The following LRP1B variants were observed in gnomAD, a reference collection of about 807,000 sequenced individuals.
LRP1B encodes low-density lipoprotein receptor-related protein 1B.
A neutral mutation model predicts 556.6 loss-of-function variants in LRP1B; 217 were observed. The ratio of observed to expected loss-of-function variants is 0.39; its 90% confidence interval spans 0.35 to 0.44. The LOEUF is 0.44. Among genes scored for constraint, LRP1B ranks in the 20% least tolerant of loss-of-function variants. The probability of loss-of-function intolerance (pLI) is 1.00; values close to 1 mark genes in which losing one functional copy is unlikely to be tolerated. For synonymous variants in LRP1B, 2,047 were observed against 1,865.8 expected, an observed-to-expected ratio of 1.10 and a Z score of -2.50; for missense variants, 5,053 against 5,620.8, an observed-to-expected ratio of 0.90 and a Z score of 3.23.
At chr2:140,633,896 TACA>T (rs1006187948) in intron 41 of LRP1B, among the ~76,000 whole-genome samples, 2 of 152,176 alleles carry the variant, frequency 1.3e-5, no homozygotes, top group Non-Finnish European at 2.9e-5. Context: ...ACCAATTTTA[TACA>T]ACGTCTTCCA....
chr2:141,424,407 C>T (rs10432345), intron 3 of LRP1B, among the ~76,000 whole-genome samples: 43,055 of 151,966 alleles, frequency 0.28, 6,305 homozygotes, highest in Admixed American at 0.32. Flanking sequence ...CCACCGCACC[C>T]GGCCTCATCT....
Position 141,778,677 on chromosome 2 carries a change from A to C in LRP1B, c.205+31602T>G, listed in dbSNP as rs10197149. Reference sequence around the variant, plus strand: ...GTATGACCATGAACTACAAAATGTAATGGGGCAGAAAATGCAGACACACAT... The same window carrying C: ...GTATGACCATGAACTACAAAATGTACTGGGGCAGAAAATGCAGACACACAT... On this transcript the variant is annotated intron_variant, in intron 2 of 90. Coordinates refer to ENST00000389484, the MANE Select transcript of LRP1B (RefSeq NM_018557.3). Among the ~76,000 whole-genome samples the C allele has an allele frequency of 7.4e-3, 1,124 of 152,350 alleles. 18 individuals are homozygous for C. Among genetic ancestry groups the C allele is most frequent in the African/African-American group, 0.025 (1,039 of 41,566 alleles).
At chr2:141,544,181 A>G (rs1271042734) in intron 2 of LRP1B, among the ~76,000 whole-genome samples, 2 of 152,096 alleles carry the variant, frequency 1.3e-5, no homozygotes, top group Admixed American at 6.6e-5. Context: ...TAGCAGGAAG[A>G]TCCTGTTTAG....
At chr2:141,416,993 T>C (rs373868124) in intron 3 of LRP1B, among the ~76,000 whole-genome samples, 3 of 152,246 alleles carry the variant, frequency 2.0e-5, no homozygotes, top group Admixed American at 2.0e-4. Flanking sequence ...TCTATCATTC[T>C]AACTTTTTTT....
intron 66 of LRP1B, among the ~76,000 whole-genome samples, chr2:140,420,873 GATAA>G (rs1017845081): frequency 6.6e-6 from 1 of 152,138 alleles, no homozygotes; most frequent in Non-Finnish European, 1.5e-5. Flanking sequence ...TTCTAGAGGT[GATAA>G]ATAAGTCCGT....
chr2:141,553,769 T>G (rs1292842696), intron 2 of LRP1B, among the ~76,000 whole-genome samples: 2 of 139,958 alleles, frequency 1.4e-5, no homozygotes, highest in East Asian at 4.0e-4. Flanking sequence ...TTATATATGT[T>G]TATATTATAT....
At chr2:140,577,089 A>G (rs1681556205) in intron 43 of LRP1B, among the ~76,000 whole-genome samples, 1 of 152,158 alleles carries the variant, frequency 6.6e-6, no homozygotes, top group Admixed American at 6.5e-5. Flanking sequence ...TCCATGTTCC[A>G]TCGCACTCAC....
chr2:141,947,996 T>C (rs1272305840), intron 1 of LRP1B, among the ~76,000 whole-genome samples: 1 of 152,046 alleles, frequency 6.6e-6, no homozygotes, highest in Non-Finnish European at 1.5e-5. Flanking sequence ...TTTTCTCATT[T>C]ATAAAAAAGT....
rs1162606779 is a variant in LRP1B, at chr2:140,744,865, C to A, written c.5758+24348G>T. 1.3e-5 allele frequency among the ~76,000 whole-genome samples: 2 copies of A among 152,048 alleles called. 1 individual carries two copies. The highest frequency in any genetic ancestry group is 4.1e-4 in the South Asian group (2 of 4,830). ...AAGCTCCAGGAGAGGAGAGATTTTG[C>A]CAATTTTTTTTCCTGCTGCATCCTT... On this transcript the variant is annotated intron_variant, in intron 35 of 90. Transcript: ENST00000389484.
intron 3 of LRP1B, among the ~76,000 whole-genome samples, chr2:141,366,563 A>G (rs1423161923): frequency 6.6e-6 from 1 of 152,202 alleles, no homozygotes; most frequent in African/African-American, 2.4e-5. Context: ...TTTTCATGCA[A>G]TATTTTATTA....
intron 2 of LRP1B, among the ~76,000 whole-genome samples, chr2:141,671,852 A>G (rs1213306376): frequency 6.6e-6 from 1 of 150,398 alleles, no homozygotes; most frequent in African/African-American, 2.4e-5. Flanking sequence ...ACAAAATGCT[A>G]TTTATTCATT....
intron 59 of LRP1B, among the ~76,000 whole-genome samples, chr2:140,479,092 T>A (rs1688107573): frequency 6.6e-6 from 1 of 152,028 alleles, no homozygotes; most frequent in Non-Finnish European, 1.5e-5. Flanking sequence ...GAAAATGTTG[T>A]TCACCTGTAC....
intron 32 of LRP1B, among the ~76,000 whole-genome samples, chr2:140,789,527 T>C (rs982977237): frequency 6.6e-6 from 1 of 151,940 alleles, no homozygotes; most frequent in African/African-American, 2.4e-5. Context: ...TTCAGGACCT[T>C]TCTCCCTTGA....
intron 86 of LRP1B, among the ~76,000 whole-genome samples, chr2:140,249,223 G>A (rs912104714): frequency 2.0e-5 from 3 of 151,686 alleles, no homozygotes; most frequent in African/African-American, 7.2e-5. Context: ...TTATGGTTCT[G>A]ACATGAACAT....
At chr2:140,911,853 A>C (rs893957214) in intron 21 of LRP1B, among the ~76,000 whole-genome samples, 2 of 151,772 alleles carry the variant, frequency 1.3e-5, no homozygotes, top group African/African-American at 4.8e-5. Context: ...ATGACCTTAG[A>C]ATTGTTTCAA....
chr2:141,126,873 T>G (rs766281812), intron 7 of LRP1B, among the ~76,000 whole-genome samples: 1 of 150,878 alleles, frequency 6.6e-6, no homozygotes, highest in Non-Finnish European at 1.5e-5. Context: ...CTTCTTTTCT[T>G]TTAAATTATA....
At chr2:140,554,511 C>T (rs1306482960) in intron 43 of LRP1B, among the ~76,000 whole-genome samples, 1 of 152,022 alleles carries the variant, frequency 6.6e-6, no homozygotes, top group Non-Finnish European at 1.5e-5. Flanking sequence ...TTTTGACAGT[C>T]AATTCAACAG....
chr2:142,034,075 C>T (rs781666313), intron 1 of LRP1B, among the ~76,000 whole-genome samples: 25 of 151,800 alleles, frequency 1.6e-4, no homozygotes, highest in Non-Finnish European at 3.1e-4. Context: ...CACGTGACCA[C>T]TAAGTCCTGT....
chr2:140,326,747 C>T (rs1680505991), intron 79 of LRP1B, among the ~76,000 whole-genome samples: 1 of 151,868 alleles, frequency 6.6e-6, no homozygotes. Context: ...GTAAAGTTCT[C>T]GATTAAGGTT....
Sources: gnomAD v4.1 joint callset for allele counts (sites outside exome capture counted in the v4.1 genomes callset) on GRCh38, gnomAD v4.1.1 for gene constraint, MANE v1.5 for transcripts, NCBI Gene and HGNC (gene_info 2026-07-23, HGNC 2026-07-21) for gene names.